The following USH2A variants were observed in gnomAD, a reference collection of about 807,000 sequenced individuals.
USH2A encodes the protein usherin.
USH2A carries 443 observed loss-of-function variants against 538.9 expected under a neutral mutation model. The observed-to-expected ratio is 0.82, with a 90% confidence interval of 0.76 to 0.89. USH2A has a LOEUF of 0.89. Among genes scored for constraint, USH2A ranks in the 40% least tolerant of loss-of-function variants. The pLI, the probability that USH2A is intolerant of heterozygous loss-of-function variation, is 0.00. For synonymous variants in USH2A, 2,413 were observed against 2,273.5 expected (o/e 1.06, Z -1.75); for missense variants, 6,633 against 6,324.8 (o/e 1.05, Z -1.65).
At chr1:215,813,944 G>C in intron 48 of USH2A, 40 bp from the exon 49 acceptor site, 4 of 1,599,544 alleles carry the variant, frequency 2.5e-6, no homozygotes, top group Non-Finnish European at 2.6e-6. Flanking sequence ...TATCAGTTTA[G>C]TTAAGAGTGT....
At chr1:215,815,117 A>G (rs1438543165) in intron 48 of USH2A, among the ~76,000 whole-genome samples, 1 of 127,952 alleles carries the variant, frequency 7.8e-6, no homozygotes, top group Non-Finnish European at 1.8e-5. Flanking sequence ...TGAACTTTAC[A>G]ATTTTTTTTT....
At chr1:216,190,401 A>T in intron 19 of USH2A, 34 bp from the exon 20 acceptor site, 1 of 1,599,630 alleles carries the variant, frequency 6.3e-7, no homozygotes, top group Non-Finnish European at 8.5e-7. Context: ...GAAAGAAAGA[A>T]AGATAATAGG....
chr1:215,627,449 C>CTTCCTTCT (rs1558027584), intron 71 of USH2A, among the ~76,000 whole-genome samples: 2 of 83,920 alleles, frequency 2.4e-5, no homozygotes, highest in Admixed American at 1.4e-4. Flanking sequence ...TCCTTCCTTC[C>CTTCCTTCT]TTCCTTCCTT....
intron 58 of USH2A, among the ~76,000 whole-genome samples, chr1:215,757,039 T>C (rs888090874): frequency 4.6e-5 from 7 of 152,222 alleles, no homozygotes; most frequent in African/African-American, 1.7e-4. Flanking sequence ...AGAAGATATG[T>C]CTTTTCCTCT....
At chr1:215,809,375 T>G (rs1662595272) in intron 49 of USH2A, among the ~76,000 whole-genome samples, 1 of 152,116 alleles carries the variant, frequency 6.6e-6, no homozygotes, top group African/African-American at 2.4e-5. Flanking sequence ...GCATAATAAA[T>G]GTTAATTGGT....
intron 49 of USH2A, among the ~76,000 whole-genome samples, chr1:215,807,967 C>A (rs1184648414): frequency 6.6e-6 from 1 of 151,958 alleles, no homozygotes; most frequent in African/African-American, 2.4e-5. Context: ...AACATTAATA[C>A]CCTGCTAATA....
At chr1:215,636,216 T>C (rs529163667) in intron 69 of USH2A, among the ~76,000 whole-genome samples, 3 of 152,260 alleles carry the variant, frequency 2.0e-5, no homozygotes, top group Non-Finnish European at 2.9e-5. Context: ...TGGGCCTGCG[T>C]GGTACTTCAC....
chr1:216,168,761 C>T (rs999208413), intron 21 of USH2A, among the ~76,000 whole-genome samples: 1 of 152,092 alleles, frequency 6.6e-6, no homozygotes, highest in Non-Finnish European at 1.5e-5. Flanking sequence ...ATTTTGCAGT[C>T]CCTTAACTCA....
At chr1:216,332,156 T>C (rs1196781911) in intron 4 of USH2A, among the ~76,000 whole-genome samples, 1 of 152,112 alleles carries the variant, frequency 6.6e-6, no homozygotes, top group Non-Finnish European at 1.5e-5. Context: ...AGTGGAGCTG[T>C]TTCAAAGCTC....
chr1:215,812,912 C>T (rs1176036970), intron 49 of USH2A, among the ~76,000 whole-genome samples: 1 of 152,128 alleles, frequency 6.6e-6, no homozygotes, highest in Non-Finnish European at 1.5e-5. Context: ...TACTTATATT[C>T]ACATTTTAGT....
At chr1:215,762,923 T>C (rs1364215766) in intron 56 of USH2A, among the ~76,000 whole-genome samples, 1 of 152,164 alleles carries the variant, frequency 6.6e-6, no homozygotes. Flanking sequence ...AGAACATGTC[T>C]ACTGTATTTG....
chr1:215,940,964 T>C (rs1413697256), intron 37 of USH2A, among the ~76,000 whole-genome samples: 1 of 149,514 alleles, frequency 6.7e-6, no homozygotes, highest in East Asian at 1.9e-4. Flanking sequence ...ATCTTTATGT[T>C]TTGTTCTCTA....
chr1:216,041,774 A>C (rs72744692), intron 32 of USH2A, among the ~76,000 whole-genome samples: 30 of 152,248 alleles, frequency 2.0e-4, no homozygotes, highest in African/African-American at 7.2e-4. Flanking sequence ...GGAAAATATA[A>C]AAGGTTAATA....
At chr1:216,079,976 G>A (rs1209263659) in intron 26 of USH2A, 2 of 152,052 alleles carry the variant, frequency 1.3e-5, no homozygotes, top group African/African-American at 2.4e-5. Context: ...AGGGTGTTCT[G>A]CCATCATCAC....
At chr1:216,266,662 T>C (rs908786506) in intron 11 of USH2A, among the ~76,000 whole-genome samples, 4 of 152,074 alleles carry the variant, frequency 2.6e-5, no homozygotes, top group African/African-American at 9.7e-5. Context: ...TCTAGGCTGA[T>C]AGCAGGGCAG....
At chr1:215,870,588 C>T (rs78991968) in intron 43 of USH2A, among the ~76,000 whole-genome samples, 2,359 of 151,882 alleles carry the variant, frequency 0.016, 34 homozygotes, top group Non-Finnish European at 0.02. Flanking sequence ...TGAGTCACCG[C>T]GCCTGGCCGA....
chr1:215,949,205 C>T (rs1256968672), intron 37 of USH2A, among the ~76,000 whole-genome samples: 1 of 151,828 alleles, frequency 6.6e-6, no homozygotes, highest in East Asian at 1.9e-4. Flanking sequence ...AACACCATCA[C>T]AAAAGTAAAA....
intron 9 of USH2A, among the ~76,000 whole-genome samples, chr1:216,301,951 C>T (rs1398381): frequency 6.6e-6 from 1 of 151,538 alleles, no homozygotes; most frequent in Non-Finnish European, 1.5e-5. Flanking sequence ...GGAGCAATTC[C>T]ATGGTAATTC....
At chr1:215,713,782 C>A (rs1172085098) in intron 61 of USH2A, among the ~76,000 whole-genome samples, 2 of 152,288 alleles carry the variant, frequency 1.3e-5, no homozygotes, top group East Asian at 1.9e-4. Context: ...TCCTATTGAA[C>A]TATAATTTGT....
Sources: allele counts gnomAD v4.1 joint callset (sites outside exome capture counted in the v4.1 genomes callset), GRCh38; gene constraint gnomAD v4.1.1; transcripts MANE v1.5; gene names NCBI Gene and HGNC (gene_info 2026-07-23, HGNC 2026-07-21).